Variants in ZMYM4 observed in about 807,000 individuals in gnomAD.
The protein encoded by ZMYM4 is zinc finger MYM-type protein 4.
A neutral mutation model predicts 183.2 loss-of-function variants in ZMYM4; 31 were observed. That is an observed-to-expected ratio of 0.17 (90% CI 0.13 to 0.23). The LOEUF is 0.23. Among genes scored for constraint, ZMYM4 ranks in the 10% least tolerant of loss-of-function variants. ZMYM4 has a pLI of 1.00. For synonymous variants in ZMYM4, 592 were observed against 631.2 expected (o/e 0.94, Z 0.93); for missense variants, 1,273 against 1,840.3 (o/e 0.69, Z 5.64).
At position 35,399,488 on chromosome 1, in the gene ZMYM4, T is replaced by C; in HGVS notation, c.3440T>C (p.Phe1147Ser). ...DLEADFPSDS[F>S]DPLNKGQGIQ... ...TTTCTGCTGATTATTATAGACTCCTTTGACCCACTTAATAAAGGACAGGGA... is the reference window on the plus strand; with the variant it reads ...TTTCTGCTGATTATTATAGACTCCTCTGACCCACTTAATAAAGGACAGGGA... Residue 1147 changes from phenylalanine (F) to serine (S), a missense_variant, in exon 23 of 30, where the codon TTT becomes TCT. By Grantham distance (155) the Phe-to-Ser change is radical. Around this residue, in one of 6 missense-constraint regions of ZMYM4, gnomAD observed 133 missense variants for 155.7 expected, o/e 0.85. Coordinates refer to ENST00000314607, the MANE Select transcript of ZMYM4 (RefSeq NM_005095.3). 1 of 1,614,048 alleles carries C rather than the reference T, an allele frequency of 6.2e-7. No individual in the cohort carries two copies. The highest frequency in any genetic ancestry group is 8.5e-7 in the Non-Finnish European group (1 of 1,179,962).
intron 23 of ZMYM4, among the ~76,000 whole-genome samples, chr1:35,403,156 T>G (rs1276634812): frequency 6.6e-6 from 1 of 152,240 alleles, no homozygotes; most frequent in Non-Finnish European, 1.5e-5. Context: ...TTAAGTCTGT[T>G]AAAATGGTGA....
In ZMYM4 at chr1:35,421,414, T is replaced by C. The variant is rs568653889; in HGVS notation, c.*1737T>C. 1.2e-4 allele frequency: 19 copies of C among 152,772 alleles called. 2 individuals are homozygous for C. Among genetic ancestry groups the C allele is most frequent in the African/African-American group, 4.1e-4 (17 of 41,574 alleles). 9.5% of individuals were successfully genotyped at this position (152,772 alleles called of 1,614,324 possible). On this transcript the variant is annotated 3_prime_UTR_variant, in exon 30 of 30. Transcript: ENST00000314607. Reference sequence around the variant, plus strand: ...TCGATATGGAGGACAAATAATTGGATTGTCTGATAAGTCTGCCAATAAACT... The same window carrying C: ...TCGATATGGAGGACAAATAATTGGACTGTCTGATAAGTCTGCCAATAAACT...
chr1:35,288,523 C>A (rs1640612521), intron 1 of ZMYM4, among the ~76,000 whole-genome samples: 1 of 152,168 alleles, frequency 6.6e-6, no homozygotes, highest in Admixed American at 6.5e-5. Context: ...TGCTCGTGAC[C>A]CCACCCTCTG....
intron 26 of ZMYM4, among the ~76,000 whole-genome samples, chr1:35,413,379 A>G (rs1034770971): frequency 6.6e-6 from 1 of 152,146 alleles, no homozygotes; most frequent in Non-Finnish European, 1.5e-5. Context: ...AGCCTATGAT[A>G]TGGTTGTTAA....
chr1:35,274,642 C>A (rs1039186372), intron 1 of ZMYM4, among the ~76,000 whole-genome samples: 1 of 149,078 alleles, frequency 6.7e-6, no homozygotes, highest in African/African-American at 2.5e-5. Context: ...AAAGGAGAGG[C>A]CATTCTAATA....
chr1:35,374,297 G>T (rs977160893), intron 7 of ZMYM4, among the ~76,000 whole-genome samples: 1 of 152,032 alleles, frequency 6.6e-6, no homozygotes, highest in Non-Finnish European at 1.5e-5. Context: ...GCCTCCCAAA[G>T]TGCTGGGATT....
intron 2 of ZMYM4, among the ~76,000 whole-genome samples, chr1:35,348,803 G>T (rs920560676): frequency 6.6e-6 from 1 of 152,102 alleles, no homozygotes; most frequent in Non-Finnish European, 1.5e-5. Flanking sequence ...AAGTTAACAT[G>T]TACATTTTTT....
At chr1:35,323,370 G>T (rs944012776) in intron 1 of ZMYM4, among the ~76,000 whole-genome samples, 3 of 152,140 alleles carry the variant, frequency 2.0e-5, no homozygotes, top group Non-Finnish European at 4.4e-5. Flanking sequence ...TAGGGGGATA[G>T]AGAGTCATGA....
chr1:35,403,709 A>T (rs1644952633), intron 23 of ZMYM4, among the ~76,000 whole-genome samples: 1 of 137,542 alleles, frequency 7.3e-6, no homozygotes, highest in Non-Finnish European at 1.5e-5. Context: ...TATTTGTATA[A>T]TTTCTTTAAC....
chr1:35,352,267 GCGCACACACACACACACACACACACACA>G (rs1371985100), intron 2 of ZMYM4, among the ~76,000 whole-genome samples: 1 of 78,196 alleles, frequency 1.3e-5, no homozygotes, highest in Non-Finnish European at 2.4e-5. Flanking sequence ...GCACGCGCGC[GCGCACACACACACACACACACACACACA>G]CACACACACA....
At chr1:35,379,661 C>T (rs897512103) in intron 7 of ZMYM4, among the ~76,000 whole-genome samples, 2 of 152,240 alleles carry the variant, frequency 1.3e-5, no homozygotes, top group African/African-American at 4.8e-5. Context: ...TTCCACATGC[C>T]TTCCTCACTA....
At chr1:35,387,353 T>G in intron 12 of ZMYM4, 75 bp downstream of exon 12, 1 of 1,573,764 alleles carries the variant, frequency 6.4e-7, no homozygotes, top group African/African-American at 1.4e-5. Context: ...TAACTTTGCA[T>G]CTCTCAAAAT....
chr1:35,272,563 G>C (rs1639667269), intron 1 of ZMYM4, among the ~76,000 whole-genome samples: 1 of 152,208 alleles, frequency 6.6e-6, no homozygotes, highest in South Asian at 2.1e-4. Context: ...TCTATGGGTT[G>C]AGTACCAAGT....
In ZMYM4 at chr1:35,419,807, C is replaced by T. The variant is rs1570567902; in HGVS notation, c.*130C>T. ...CCATAAGATCATGGAAAACAGATGACTTGTGAACCCCACAGTGTGGATGTG... is the reference window on the plus strand; with the variant it reads ...CCATAAGATCATGGAAAACAGATGATTTGTGAACCCCACAGTGTGGATGTG... On this transcript the variant is annotated 3_prime_UTR_variant, in exon 30 of 30. Coordinates refer to ENST00000314607, the MANE Select transcript of ZMYM4 (RefSeq NM_005095.3). The T allele has an allele frequency of 1.2e-6, 1 of 867,362 alleles. No individual in the cohort carries two copies. The highest frequency in any genetic ancestry group is 1.8e-6 in the Non-Finnish European group (1 of 555,806). 53.7% of individuals were successfully genotyped at this position (867,362 alleles called of 1,614,324 possible).
At chr1:35,374,123 C>T (rs1374811339) in intron 7 of ZMYM4, among the ~76,000 whole-genome samples, 4 of 149,288 alleles carry the variant, frequency 2.7e-5, no homozygotes, top group South Asian at 2.1e-4. Context: ...CCTCCACCTC[C>T]GGGGTTCAAG....
At chr1:35,409,726 G>A (rs995815786) in intron 26 of ZMYM4, among the ~76,000 whole-genome samples, 2 of 152,054 alleles carry the variant, frequency 1.3e-5, no homozygotes, top group African/African-American at 2.4e-5. Context: ...CAGATCACGA[G>A]GTCAGGAGTT....
At chr1:35,273,418 A>G (rs1205561998) in intron 1 of ZMYM4, among the ~76,000 whole-genome samples, 1 of 152,224 alleles carries the variant, frequency 6.6e-6, no homozygotes, top group Non-Finnish European at 1.5e-5. Flanking sequence ...ATGCATGGCT[A>G]TTATAATAAC....
At chr1:35,377,140 C>CA in intron 7 of ZMYM4, among the ~76,000 whole-genome samples, 1 of 152,182 alleles carries the variant, frequency 6.6e-6, no homozygotes, top group Non-Finnish European at 1.5e-5. Context: ...CTCCTGACCT[C>CA]AAGTGATCTG....
At chr1:35,319,538 C>T (rs1165126085) in intron 1 of ZMYM4, among the ~76,000 whole-genome samples, 1 of 151,992 alleles carries the variant, frequency 6.6e-6, no homozygotes, top group East Asian at 1.9e-4. Context: ...TGGGAGGATC[C>T]CTTGAGCTCA....
Sources: allele counts gnomAD v4.1 joint callset (sites outside exome capture counted in the v4.1 genomes callset), GRCh38; gene constraint gnomAD v4.1.1; regional missense constraint gnomAD v4.1.1; transcripts MANE v1.5; gene names NCBI Gene and HGNC (gene_info 2026-07-23, HGNC 2026-07-21).